The following PDE1A variants were observed in gnomAD, a reference collection of about 807,000 sequenced individuals.
The protein encoded by PDE1A is phosphodiesterase 1A.
In PDE1A, 35 loss-of-function variants were observed where a neutral mutation model predicts 61.7. The ratio of observed to expected loss-of-function variants is 0.57; its 90% confidence interval spans 0.43 to 0.75. PDE1A has a LOEUF of 0.75. Among genes scored for constraint, PDE1A ranks in the 30% least tolerant of loss-of-function variants. The pLI is 0.00. For missense variants in PDE1A, 597 were observed against 630.6 expected (o/e 0.95, Z 0.57); for synonymous variants, 232 against 213.2 (o/e 1.09, Z -0.77).
chr2:182,337,011 A>C, intron 1 of PDE1A, among the ~76,000 whole-genome samples: 1 of 151,844 alleles, frequency 6.6e-6, no homozygotes, highest in East Asian at 1.9e-4. Context: ...CCTATGATAC[A>C]AAGTGGCTAT....
chr2:182,683,654 G>A, the PDE1A span, among the ~76,000 whole-genome samples: 9 of 152,080 alleles, frequency 5.9e-5, no homozygotes, highest in South Asian at 4.2e-4. Flanking sequence ...AATCATGACC[G>A]ATAAAAATAA....
chr2:182,381,447 C>A (rs1015544502), intron 1 of PDE1A, among the ~76,000 whole-genome samples: 3 of 152,122 alleles, frequency 2.0e-5, no homozygotes, highest in African/African-American at 7.2e-5. Flanking sequence ...TGGCGAATTG[C>A]CCTTTTAAAG....
chr2:182,468,609 G>A (rs1338881079), intron 2 of PDE1A, among the ~76,000 whole-genome samples: 1 of 151,812 alleles, frequency 6.6e-6, no homozygotes, highest in African/African-American at 2.4e-5. Flanking sequence ...TTGATATTTT[G>A]GCCTCCTCCC....
intron 13 of PDE1A, among the ~76,000 whole-genome samples, chr2:182,180,368 T>A (rs1684651514): frequency 6.6e-6 from 1 of 152,170 alleles, no homozygotes; most frequent in African/African-American, 2.4e-5. Context: ...GGTTGAAAAA[T>A]TCTTATCTTT....
At chr2:182,408,894 T>TC (rs1702453630) in intron 1 of PDE1A, among the ~76,000 whole-genome samples, 1 of 152,278 alleles carries the variant, frequency 6.6e-6, no homozygotes, top group African/African-American at 2.4e-5. Context: ...TAGAAGCCAA[T>TC]CCACTCACCT....
rs1395680618 is a variant in PDE1A at position 182,156,009 on chromosome 2, G to A, written c.1517-8857C>T. Among the ~76,000 whole-genome samples, 3 of 152,272 alleles carry A rather than the reference G, an allele frequency of 2.0e-5. 1 individual carries two copies. In the East Asian group the frequency reaches 5.8e-4, roughly 29 times the overall value. Reference sequence around the variant, plus strand: ...GTGAATAAGTCTCATGAGATCCAATGGTTTTATAAATGGGAACTCCCCTGC... The same window carrying A: ...GTGAATAAGTCTCATGAGATCCAATAGTTTTATAAATGGGAACTCCCCTGC... On this transcript the variant is annotated intron_variant, in intron 13 of 13. Transcript: ENST00000409365.
intron 6 of PDE1A, among the ~76,000 whole-genome samples, chr2:182,228,582 T>C (rs1364989429): frequency 1.3e-5 from 2 of 152,182 alleles, no homozygotes; most frequent in East Asian, 3.8e-4. Flanking sequence ...AATTTAATAG[T>C]CACCTATCAC....
At chr2:182,713,513 C>T in the PDE1A span, among the ~76,000 whole-genome samples, 4 of 152,140 alleles carry the variant, frequency 2.6e-5, no homozygotes, top group African/African-American at 7.2e-5. Flanking sequence ...TGCCTGTAAT[C>T]CCCACTACTT....
intron 1 of PDE1A, among the ~76,000 whole-genome samples, chr2:182,374,165 T>C (rs1382103933): frequency 1.3e-5 from 2 of 152,250 alleles, no homozygotes; most frequent in Middle Eastern, 3.4e-3. Flanking sequence ...TTTTTTCATA[T>C]GTGACATTTA....
chr2:182,679,188 A>ATTT, the PDE1A span, among the ~76,000 whole-genome samples: 5,927 of 141,390 alleles, frequency 0.042, 467 homozygotes, highest in African/African-American at 0.15. Flanking sequence ...TATTATTATT[A>ATTT]TTATTTTTTT....
the PDE1A span, among the ~76,000 whole-genome samples, chr2:182,540,291 G>T: frequency 6.7e-6 from 1 of 150,022 alleles, no homozygotes; most frequent in East Asian, 2.0e-4. Context: ...TTGAGCCCAG[G>T]AGGCAGAGGG....
chr2:182,470,509 T>G (rs1686957482), intron 2 of PDE1A, among the ~76,000 whole-genome samples: 1 of 151,782 alleles, frequency 6.6e-6, no homozygotes, highest in Non-Finnish European at 1.5e-5. Flanking sequence ...CTCTAGGAAC[T>G]TATAGTTTAG....
the PDE1A span, among the ~76,000 whole-genome samples, chr2:182,608,344 C>T: frequency 6.6e-6 from 1 of 152,228 alleles, no homozygotes; most frequent in East Asian, 1.9e-4. Flanking sequence ...TCGCTCTCGG[C>T]GCCTCCTCGG....
intron 2 of PDE1A, among the ~76,000 whole-genome samples, chr2:182,505,465 G>T (rs542760486): frequency 1.3e-5 from 2 of 152,152 alleles, no homozygotes; most frequent in South Asian, 4.1e-4. Flanking sequence ...GCTATCATTC[G>T]TAGATGCTTA....
intron 2 of PDE1A, among the ~76,000 whole-genome samples, chr2:182,472,667 A>C (rs1187343792): frequency 6.6e-6 from 1 of 151,912 alleles, no homozygotes; most frequent in Non-Finnish European, 1.5e-5. Flanking sequence ...AGTGTAGTAC[A>C]TCAATGTAGC....
chr2:182,384,446 T>C (rs1182297200), intron 1 of PDE1A, among the ~76,000 whole-genome samples: 1 of 124,520 alleles, frequency 8.0e-6, no homozygotes. Context: ...AAAGCAAAAT[T>C]TAATAAAGAG....
intron 2 of PDE1A, among the ~76,000 whole-genome samples, chr2:182,255,899 G>A (rs1449126601): frequency 6.6e-6 from 1 of 151,242 alleles, no homozygotes; most frequent in African/African-American, 2.4e-5. Flanking sequence ...CTTGTGATCT[G>A]CTGACCTAAT....
At chr2:182,231,934 A>G (rs1243869858) in intron 4 of PDE1A, among the ~76,000 whole-genome samples, 3 of 152,128 alleles carry the variant, frequency 2.0e-5, no homozygotes, top group African/African-American at 7.2e-5. Context: ...AGAAAGAAAG[A>G]TAGAAAAATA....
At chr2:182,426,624 C>A in exon 1 of PDE1A, 1 of 1,612,458 alleles carries the variant, frequency 6.2e-7, no homozygotes, top group South Asian at 1.1e-5. Flanking sequence ...GTGACATGGT[C>A]ATCCATTTAA....
Sources: allele counts gnomAD v4.1 joint callset (sites outside exome capture counted in the v4.1 genomes callset), GRCh38; gene constraint gnomAD v4.1.1; transcripts MANE v1.5; gene names NCBI Gene and HGNC (gene_info 2026-07-23, HGNC 2026-07-21).